Variants in TSFM observed in about 807,000 individuals in gnomAD.
The protein encoded by TSFM is Ts translation elongation factor, mitochondrial.
In TSFM, 29 loss-of-function variants were observed where a neutral mutation model predicts 33.4. The observed-to-expected ratio is 0.87, with a 90% CI of 0.65 to 1.18. The LOEUF is 1.18. Ranked by LOEUF, TSFM falls within the 50% of genes most tolerant of loss-of-function variation. The pLI, the probability that TSFM is intolerant of heterozygous loss-of-function variation, is 0.00. For missense variants in TSFM, 394 were observed against 395.6 expected, an observed-to-expected ratio of 1.00 and a Z score of 0.04; for synonymous variants, 178 against 163.5, an observed-to-expected ratio of 1.09 and a Z score of -0.68.
intron 3 of TSFM, 69 bp downstream of exon 3, chr12:57,786,360 A>C: frequency 6.6e-7 from 1 of 1,509,500 alleles, no homozygotes; most frequent in African/African-American, 1.4e-5. Context: ...AGTAGGCCCT[A>C]AAGGGGCCTG....
intron 5 of TSFM, 48 bp downstream of exon 5, chr12:57,793,121 T>A (rs1955686138): frequency 1.4e-6 from 2 of 1,475,460 alleles, no homozygotes; most frequent in Non-Finnish European, 1.9e-6. Context: ...GGACTGGATC[T>A]CTTGTTATCT....
chr12:57,796,259 C>A lies in TSFM; in HGVS notation c.654C>A (p.His218Gln), dbSNP rs542752972. Residue 218 changes from histidine (H) to glutamine (Q), a missense_variant, in exon 6 of 6, where the codon CAC becomes CAA. His to Gln is a conservative substitution (Grantham distance 24). Around this residue, in one of 3 missense-constraint regions of TSFM, gnomAD observed 186 missense variants for 198.8 expected, o/e 0.94. Coordinates refer to ENST00000652027, the MANE Select transcript of TSFM (RefSeq NM_005726.6). ...PSGFYVGSYVHGAMQSPSLHK... is the reference protein window; with the variant it reads ...PSGFYVGSYVQGAMQSPSLHK... ...GGTTCTACGTTGGCTCTTATGTCCA[C>A]GGAGCAATGCAGAGTCCCTCACTTC... is the stretch of plus-strand genomic sequence containing the variant. 6.2e-7 allele frequency: 1 copy of A among 1,612,958 alleles called. No homozygotes were observed. Among genetic ancestry groups the A allele is most frequent in the African/African-American group, 1.3e-5 (1 of 74,898 alleles).
downstream of TSFM, chr12:57,802,268 AGT>A: frequency 6.2e-7 from 1 of 1,613,972 alleles, no homozygotes; most frequent in Non-Finnish European, 8.5e-7. Flanking sequence ...CGCTGGGGTG[AGT>A]GTGCAGGTAC....
downstream of TSFM, among the ~76,000 whole-genome samples, chr12:57,798,934 C>T (rs146689410): frequency 2.1e-3 from 319 of 152,252 alleles, 1 homozygote; most frequent in African/African-American, 7.2e-3. Context: ...ATTCTTTTAA[C>T]TCAAATATGT....
At chr12:57,784,872 C>G in intron 2 of TSFM, among the ~76,000 whole-genome samples, 1 of 144,820 alleles carries the variant, frequency 6.9e-6, no homozygotes, top group Middle Eastern at 3.3e-3. Flanking sequence ...AAGAGTGAAA[C>G]TCTGTCTCAA....
chr12:57,796,287 A>G lies in TSFM; in HGVS notation c.682A>G (p.Lys228Glu), dbSNP rs1207628988. The change falls in exon 6 of 6, where the codon AAG becomes GAG. Residue 228 changes from lysine (K) to glutamate (E), a missense_variant. Physicochemically the swap from Lys to Glu is moderately conservative, Grantham distance 56. This residue lies in a region of TSFM where 186 missense variants were observed against 198.8 expected (regional missense o/e 0.94). Transcript: ENST00000652027. Reference protein sequence around the residue: ...HGAMQSPSLHKLVLGKYGALV... With the variant: ...HGAMQSPSLHELVLGKYGALV... The stretch of plus-strand genomic sequence containing the variant: ...AGCAATGCAGAGTCCCTCACTTCAC[A>G]AGCTGGTGCTGGGGAAGTATGGGGC... 6.8e-6 allele frequency: 11 copies of G among 1,612,548 alleles called. No individual in the cohort carries two copies. The highest frequency in any genetic ancestry group is 9.3e-6 in the Non-Finnish European group (11 of 1,179,324).
intron 4 of TSFM, 60 bp downstream of exon 4, chr12:57,787,222 G>C (rs1955603195): frequency 6.7e-7 from 1 of 1,482,314 alleles, no homozygotes; most frequent in Non-Finnish European, 9.2e-7. Flanking sequence ...GTCTTTTGCT[G>C]TTCCTATTGT....
At chr12:57,784,914 A>ATTT (rs1955569665) in intron 2 of TSFM, among the ~76,000 whole-genome samples, 3 of 107,250 alleles carry the variant, frequency 2.8e-5, no homozygotes, top group African/African-American at 6.9e-5. Context: ...TTATTGAAAT[A>ATTT]TCTTTTTTTT....
At chr12:57,785,128 G>T (rs551353268) in intron 2 of TSFM, among the ~76,000 whole-genome samples, 2 of 151,880 alleles carry the variant, frequency 1.3e-5, no homozygotes, top group African/African-American at 4.8e-5. Flanking sequence ...GGGTTTCACC[G>T]TGTTAGCCAG....
At chr12:57,802,378 C>T, downstream of TSFM, 1 of 1,579,578 alleles carries the variant, frequency 6.3e-7, no homozygotes, top group African/African-American at 1.3e-5. Flanking sequence ...ATATATGTTA[C>T]TGTGTTCATA....
chr12:57,789,276 T>G (rs549787528), intron 4 of TSFM, among the ~76,000 whole-genome samples: 16 of 151,856 alleles, frequency 1.1e-4, no homozygotes, highest in Non-Finnish European at 1.6e-4. Context: ...CATCACTGTT[T>G]AAAAAAAATC....
intron 2 of TSFM, 65 bp from the exon 3 acceptor site, chr12:57,786,096 CTT>C: frequency 6.7e-7 from 1 of 1,488,340 alleles, no homozygotes; most frequent in Non-Finnish European, 9.0e-7. Context: ...CTGAGTATAT[CTT>C]AGAACTACAT....
intron 2 of TSFM, among the ~76,000 whole-genome samples, chr12:57,785,500 CTT>C (rs768484291): frequency 4.6e-5 from 7 of 152,172 alleles, no homozygotes; most frequent in Non-Finnish European, 8.8e-5. Flanking sequence ...CGGAGTCTCA[CTT>C]TGTCACCCAG....
intron 5 of TSFM, among the ~76,000 whole-genome samples, chr12:57,793,567 A>G (rs1256796746): frequency 2.0e-5 from 3 of 152,212 alleles, no homozygotes; most frequent in Non-Finnish European, 1.5e-5. Flanking sequence ...AGGAAGTCCC[A>G]TTGCCAAGCT....
At position 57,786,253 on chromosome 12, in the gene TSFM, G is replaced by A. The variant is rs374679403; in HGVS notation, c.322G>A (p.Gly108Arg). 27 of 1,612,194 alleles carry A rather than the reference G, an allele frequency of 1.7e-5. No individual in the cohort carries two copies. Among genetic ancestry groups the A allele is most frequent in the Non-Finnish European group, 2.1e-5 (25 of 1,179,114 alleles). ...QGRKTKEGLI[G>R]LLQEGNTTVL... Reference sequence around the variant, plus strand: ...GAGGAAGACCAAAGAAGGCCTGATTGGGCTGTTGCAGGAAGGAAACACAAC... The same window carrying A: ...GAGGAAGACCAAAGAAGGCCTGATTAGGCTGTTGCAGGAAGGAAACACAAC... The change falls in exon 3 of 6, where the codon GGG (glycine) becomes AGG (arginine). Residue 108 changes from glycine (G) to arginine (R), a missense_variant. This residue lies in a region of TSFM where 208 missense variants were observed against 180.4 expected (regional missense o/e 1.15). Transcript: ENST00000652027.
At chr12:57,782,932 C>T (rs1955531928) in intron 1 of TSFM, 74 bp downstream of exon 1, 12 of 1,513,532 alleles carry the variant, frequency 7.9e-6, no homozygotes, top group Non-Finnish European at 1.1e-5. Flanking sequence ...TTCCCTTCCT[C>T]CCAACCTCGT....
At chr12:57,801,082 G>C, downstream of TSFM, 1 of 1,388,590 alleles carries the variant, frequency 7.2e-7, no homozygotes, top group Non-Finnish European at 1.0e-6. Flanking sequence ...TGTAGCATTT[G>C]TGTGTTCTCT....
chr12:57,789,349 C>T (rs749700614), intron 4 of TSFM, among the ~76,000 whole-genome samples: 1 of 152,114 alleles, frequency 6.6e-6, no homozygotes, highest in Non-Finnish European at 1.5e-5. Flanking sequence ...CTCGTAAAAA[C>T]AAGGACATTG....
rs138461986 is a variant in TSFM at position 57,782,825 on chromosome 12, C to T, written c.24C>T (p.Arg8=). 1,351 of 1,596,060 alleles carry T rather than the reference C, an allele frequency of 8.5e-4. 9 individuals carry two copies. The highest frequency in any genetic ancestry group is 4.8e-3 in the African/African-American group (361 of 74,686). The change falls in exon 1 of 6, where the codon CGC becomes CGT. Residue 8 remains arginine, a synonymous_variant. Transcript: ENST00000652027. Reference sequence around the variant, plus strand: ...AGATGTCGCTGCTGCGGTCGCTGCGCGTGTTTCTGGTCGCGCGGACCGGGA... The same window carrying T: ...AGATGTCGCTGCTGCGGTCGCTGCGTGTGTTTCTGGTCGCGCGGACCGGGA... MSLLRSL[R]VFLVARTGSY... is the part of the protein sequence containing the mutation.
Sources: allele counts gnomAD v4.1 joint callset (sites outside exome capture counted in the v4.1 genomes callset), GRCh38; gene constraint gnomAD v4.1.1; regional missense constraint gnomAD v4.1.1; transcripts MANE v1.5; gene names NCBI Gene and HGNC (gene_info 2026-07-23, HGNC 2026-07-21).